ZNRF1: variants seen among roughly 807,000 people sequenced by gnomAD.
The protein encoded by ZNRF1 is E3 ubiquitin-protein ligase ZNRF1.
Under a neutral mutation model 18.4 loss-of-function variants are expected in ZNRF1, and 3 were observed. The observed-to-expected ratio is 0.16, with a 90% CI of 0.07 to 0.42. The LOEUF is 0.42. Among genes scored for constraint, ZNRF1 ranks in the 10% least tolerant of loss-of-function variants. The pLI, the probability that ZNRF1 is intolerant of heterozygous loss-of-function variation, is 0.99. For missense variants in ZNRF1, 310 were observed against 329.8 expected, an observed-to-expected ratio of 0.94 and a Z score of 0.47; for synonymous variants, 157 against 144.2, an observed-to-expected ratio of 1.09 and a Z score of -0.64.
In ZNRF1 at chr16:75,004,251, C is replaced by G. The variant is rs138590736; in HGVS notation, c.424+4156C>G. ...TAGTGGGCTGCTTTTACTCATAATG[C>G]CGCTGATAAGGGCTGCTTTATAGAA... On this transcript the variant is annotated intron_variant, in intron 1 of 4. Coordinates refer to ENST00000335325, the MANE Select transcript of ZNRF1 (RefSeq NM_032268.5). Among the ~76,000 whole-genome samples the G allele has an allele frequency of 2.5e-4, 38 of 152,260 alleles. No homozygotes were observed. The East Asian group carries it at 6.8e-3, about 27-fold the overall frequency.
At chr16:75,029,757 A>G (rs1597867632) in intron 1 of ZNRF1, among the ~76,000 whole-genome samples, 1 of 151,040 alleles carries the variant, frequency 6.6e-6, no homozygotes, top group East Asian at 2.0e-4. Flanking sequence ...TAACAGAGCG[A>G]GACTCCATCT....
intron 1 of ZNRF1, among the ~76,000 whole-genome samples, chr16:75,002,893 A>C (rs1474713725): frequency 6.6e-6 from 1 of 152,212 alleles, no homozygotes; most frequent in East Asian, 1.9e-4. Context: ...CTTAGGGCTT[A>C]GAGACCACTC....
At chr16:75,068,188 TAAAAAAAAAAAAA>T (rs57755915) in intron 1 of ZNRF1, among the ~76,000 whole-genome samples, 6 of 88,956 alleles carry the variant, frequency 6.7e-5, no homozygotes, top group Admixed American at 1.2e-4. Flanking sequence ...GACCTTGTCT[TAAAAAAAAAAAAA>T]AAAAAAAAAA....
chr16:75,088,431 T>C (rs770811289), intron 1 of ZNRF1, among the ~76,000 whole-genome samples: 2 of 152,338 alleles, frequency 1.3e-5, no homozygotes, highest in South Asian at 4.1e-4. Context: ...CAGATAGTTA[T>C]AACAGAGTTC....
chr16:75,051,670 A>C (rs561171069), intron 1 of ZNRF1, among the ~76,000 whole-genome samples: 1 of 152,232 alleles, frequency 6.6e-6, no homozygotes, highest in Admixed American at 6.5e-5. Context: ...GGCATGTGCC[A>C]CCACGCCCAA....
In ZNRF1 at chr16:75,016,538, C is replaced by T. The variant is rs146075597; in HGVS notation, c.424+16443C>T. Reference sequence around the variant, plus strand: ...TACAGGCTTGAGCCACTGCACCCAGCCTATTTTTATTTTTTGAGACAGAGT... The same window carrying T: ...TACAGGCTTGAGCCACTGCACCCAGTCTATTTTTATTTTTTGAGACAGAGT... On this transcript the variant is annotated intron_variant, in intron 1 of 4. Transcript: ENST00000335325. 3.1e-3 allele frequency among the ~76,000 whole-genome samples: 464 copies of T among 148,828 alleles called. 19 individuals are homozygous for T. In the East Asian group the frequency reaches 0.081, roughly 26 times the overall value.
chr16:75,038,087 C>G (rs535064981), intron 1 of ZNRF1, among the ~76,000 whole-genome samples: 39 of 152,250 alleles, frequency 2.6e-4, no homozygotes, highest in Middle Eastern at 6.8e-3. Flanking sequence ...AGACTTGAAG[C>G]CTATTTTTGT....
intron 1 of ZNRF1, among the ~76,000 whole-genome samples, chr16:75,062,675 C>T (rs185800897): frequency 1.3e-5 from 2 of 152,290 alleles, no homozygotes; most frequent in African/African-American, 4.8e-5. Context: ...AGCCTCTGTA[C>T]GTCAAGCCAC....
In ZNRF1 at chr16:74,999,606, C is replaced by A; in HGVS notation, c.-66C>A. ...CCTTTATGCTCGCCCAGCCCTCCCCCTGCTGCTGAGAAGTGGGGGAGGGTC... is the reference window on the plus strand; with the variant it reads ...CCTTTATGCTCGCCCAGCCCTCCCCATGCTGCTGAGAAGTGGGGGAGGGTC... On this transcript the variant is annotated 5_prime_UTR_variant, in exon 1 of 5. The change creates a new upstream start codon in the 5' untranslated region. Transcript: ENST00000335325. 1 of 1,196,652 alleles carries A rather than the reference C, an allele frequency of 8.4e-7. No homozygotes were observed. The highest frequency in any genetic ancestry group is 2.7e-5 in the South Asian group (1 of 36,464). The allele number at this position is 1,196,652 out of a possible 1,614,324, so 74.1% of individuals were successfully genotyped here. A position where few individuals can be genotyped will look rare whatever the true frequency, so the allele number is the denominator to read the frequency against.
rs1333296280 is a variant in ZNRF1 at position 74,999,645 on chromosome 16, T to G, written c.-27T>G. The G allele has an allele frequency of 7.5e-7, 1 of 1,326,396 alleles. No homozygotes were observed. Among genetic ancestry groups the G allele is most frequent in the Non-Finnish European group, 9.6e-7 (1 of 1,043,730 alleles). The allele number at this position is 1,326,396 out of a possible 1,614,324, so 82.2% of individuals were successfully genotyped here. On this transcript the variant is annotated 5_prime_UTR_variant, in exon 1 of 5. Coordinates refer to ENST00000335325, the MANE Select transcript of ZNRF1 (RefSeq NM_032268.5). ...TGGGGGAGGGTCTCGGCCTCCAGGT[T>G]CCCGCCCCACCGGGGCCCGGGCGAG...
intron 1 of ZNRF1, among the ~76,000 whole-genome samples, chr16:75,087,570 C>T (rs1003720131): frequency 6.6e-6 from 1 of 152,174 alleles, no homozygotes; most frequent in Non-Finnish European, 1.5e-5. Flanking sequence ...CTTGGCTTCT[C>T]TTGATTGGAA....
intron 1 of ZNRF1, among the ~76,000 whole-genome samples, chr16:75,082,910 T>C (rs1366637555): frequency 6.6e-6 from 1 of 152,218 alleles, no homozygotes; most frequent in Non-Finnish European, 1.5e-5. Flanking sequence ...TTTTCAGATA[T>C]TCATATATGT....
intron 1 of ZNRF1, among the ~76,000 whole-genome samples, chr16:75,019,871 CA>C (rs2035121828): frequency 6.6e-6 from 1 of 152,026 alleles, no homozygotes; most frequent in Non-Finnish European, 1.5e-5. Context: ...ACCACAGGCA[CA>C]CACCACCACA....
intron 2 of ZNRF1, among the ~76,000 whole-genome samples, chr16:75,098,985 G>A (rs1567495119): frequency 6.6e-6 from 1 of 152,192 alleles, no homozygotes; most frequent in Non-Finnish European, 1.5e-5. Context: ...TGTCTGGTCT[G>A]TTCACTCAGT....
chr16:75,036,926 G>A (rs1032266987), intron 1 of ZNRF1, among the ~76,000 whole-genome samples: 1 of 152,200 alleles, frequency 6.6e-6, no homozygotes, highest in African/African-American at 2.4e-5. Flanking sequence ...AGGTCCAGTT[G>A]TGTTGATTTG....
intron 1 of ZNRF1, among the ~76,000 whole-genome samples, chr16:75,022,406 A>C (rs2035163368): frequency 6.6e-6 from 1 of 150,900 alleles, no homozygotes; most frequent in Non-Finnish European, 1.5e-5. Flanking sequence ...TACTAAAAAT[A>C]CAAAAAAAAA....
At chr16:75,017,792 C>G (rs1410015253) in intron 1 of ZNRF1, among the ~76,000 whole-genome samples, 1 of 152,194 alleles carries the variant, frequency 6.6e-6, no homozygotes, top group Non-Finnish European at 1.5e-5. Flanking sequence ...TAATTCAAAT[C>G]AAGTTGGCAT....
intron 1 of ZNRF1, among the ~76,000 whole-genome samples, chr16:75,001,573 C>T (rs1250953157): frequency 1.3e-5 from 2 of 152,022 alleles, no homozygotes; most frequent in Non-Finnish European, 2.9e-5. Flanking sequence ...AATAATTTTT[C>T]CTATGGAATT....
chr16:75,049,621 A>T (rs1046578000), intron 1 of ZNRF1, among the ~76,000 whole-genome samples: 32 of 152,114 alleles, frequency 2.1e-4, no homozygotes, highest in African/African-American at 7.5e-4. Context: ...ATATGGCGAA[A>T]CTCCGTCTCT....
Sources: allele counts gnomAD v4.1 joint callset (sites outside exome capture counted in the v4.1 genomes callset), GRCh38; gene constraint gnomAD v4.1.1; transcripts MANE v1.5; gene names NCBI Gene and HGNC (gene_info 2026-07-23, HGNC 2026-07-21).